The following ACVR1 variants were observed in gnomAD, a reference collection of about 807,000 sequenced individuals.
The protein encoded by ACVR1 is activin receptor type-1.
A neutral mutation model predicts 57.1 loss-of-function variants in ACVR1; 38 were observed. The observed-to-expected ratio is 0.67, with a 90% CI of 0.51 to 0.87. The LOEUF (loss-of-function observed/expected upper bound fraction) is 0.87. Ranked by LOEUF, ACVR1 falls within the 40% of genes least tolerant of loss-of-function variation. The pLI is 0.00. For synonymous variants in ACVR1, 212 were observed against 228.1 expected, an observed-to-expected ratio of 0.93 and a Z score of 0.63; for missense variants, 463 against 638.2, an observed-to-expected ratio of 0.73 and a Z score of 2.96.
At chr2:157,863,515 G>A (rs915048839) in intron 1 of ACVR1, among the ~76,000 whole-genome samples, 1 of 150,544 alleles carries the variant, frequency 6.6e-6, no homozygotes. Context: ...TGGCCAACAG[G>A]GCAAAACCCC....
At chr2:157,866,447 G>T (rs567753142) in intron 1 of ACVR1, among the ~76,000 whole-genome samples, 2 of 152,248 alleles carry the variant, frequency 1.3e-5, no homozygotes, top group East Asian at 1.9e-4. Context: ...AGGGAGGCGG[G>T]GGGGAAAGCT....
chr2:157,873,112 G>T (rs1558861643), intron 1 of ACVR1, among the ~76,000 whole-genome samples: 1 of 152,114 alleles, frequency 6.6e-6, no homozygotes, highest in African/African-American at 2.4e-5. Flanking sequence ...TTGCTTTAAA[G>T]AAAAATATTA....
At chr2:157,809,917 A>G (rs1389105821) in intron 2 of ACVR1, among the ~76,000 whole-genome samples, 1 of 152,106 alleles carries the variant, frequency 6.6e-6, no homozygotes, top group African/African-American at 2.4e-5. Context: ...TCTACAAAAA[A>G]TAAAGAAAAT....
chr2:157,821,433 G>A (rs1273113233), intron 1 of ACVR1, among the ~76,000 whole-genome samples: 2 of 152,188 alleles, frequency 1.3e-5, no homozygotes, highest in South Asian at 2.1e-4. Context: ...TCTGAGGCAC[G>A]AGACTCGCTT....
chr2:157,855,319 T>TACAC (rs775743957), intron 1 of ACVR1, among the ~76,000 whole-genome samples: 1,473 of 99,154 alleles, frequency 0.015, 59 homozygotes, highest in Non-Finnish European at 0.021. Context: ...TATATATATA[T>TACAC]ATATACACAC....
Position 157,774,170 on chromosome 2 carries a change from C to G in ACVR1, c.561G>C (p.Ser187=). 6.2e-7 allele frequency: 1 copy of G among 1,613,964 alleles called. No homozygotes were observed. The highest frequency in any genetic ancestry group is 8.5e-7 in the Non-Finnish European group (1 of 1,179,886). ...DSTLADLLDH[S]CTSGSGSGLP... Reference sequence around the variant, plus strand: ...GACCAGAGCCACTTCCTGATGTACACGAATGATCCAATAAATCCTGTGGTT... The same window carrying G: ...GACCAGAGCCACTTCCTGATGTACAGGAATGATCCAATAAATCCTGTGGTT... Residue 187 remains serine (S), a synonymous_variant, in exon 6 of 11, where the codon TCG becomes TCC. Coordinates refer to ENST00000434821, the MANE Select transcript of ACVR1 (RefSeq NM_001111067.4).
intron 1 of ACVR1, among the ~76,000 whole-genome samples, chr2:157,823,503 G>C (rs1688226983): frequency 6.6e-6 from 1 of 152,126 alleles, no homozygotes; most frequent in Admixed American, 6.5e-5. Flanking sequence ...AAATCTCCAA[G>C]ATGTTTTAAG....
intron 1 of ACVR1, among the ~76,000 whole-genome samples, chr2:157,821,849 T>G (rs1688172077): frequency 6.6e-6 from 1 of 152,210 alleles, no homozygotes. Context: ...CAATCCAGTT[T>G]AAAAGAACAT....
chr2:157,853,821 CTTCT>C (rs1438070539), intron 1 of ACVR1, among the ~76,000 whole-genome samples: 1 of 152,166 alleles, frequency 6.6e-6, no homozygotes, highest in Non-Finnish European at 1.5e-5. Context: ...CTTCTTATGC[CTTCT>C]ATCTTTACAA....
At chr2:157,742,492 C>T (rs1281375560) in intron 9 of ACVR1, among the ~76,000 whole-genome samples, 2 of 152,204 alleles carry the variant, frequency 1.3e-5, no homozygotes. Flanking sequence ...TCATAACCTA[C>T]TCCCCCACAA....
chr2:157,784,542 G>A (rs1463008149), intron 3 of ACVR1, among the ~76,000 whole-genome samples: 1 of 152,224 alleles, frequency 6.6e-6, no homozygotes, highest in Non-Finnish European at 1.5e-5. Context: ...TGTTCTAGAA[G>A]GCACCTCCCG....
At chr2:157,748,243 T>C (rs1685046496) in intron 9 of ACVR1, among the ~76,000 whole-genome samples, 1 of 152,054 alleles carries the variant, frequency 6.6e-6, no homozygotes, top group African/African-American at 2.4e-5. Context: ...GAATCCCAAG[T>C]CTCTGCTGAG....
At chr2:157,806,410 G>C (rs1687549557) in intron 2 of ACVR1, among the ~76,000 whole-genome samples, 2 of 152,052 alleles carry the variant, frequency 1.3e-5, no homozygotes. Context: ...CTACTCTTCA[G>C]TTCTCTTGTA....
At chr2:157,821,975 G>GA (rs370887072) in intron 1 of ACVR1, among the ~76,000 whole-genome samples, 21 of 149,504 alleles carry the variant, frequency 1.4e-4, no homozygotes, top group South Asian at 8.5e-4. Context: ...AGCAACAGGG[G>GA]AAAAAAAAAA....
At chr2:157,817,109 G>T (rs1687966766) in intron 2 of ACVR1, among the ~76,000 whole-genome samples, 1 of 152,026 alleles carries the variant, frequency 6.6e-6, no homozygotes, top group South Asian at 2.1e-4. Flanking sequence ...ACACGAACCT[G>T]CCAACACACC....
chr2:157,782,876 A>G (rs375076387), intron 3 of ACVR1, among the ~76,000 whole-genome samples: 42 of 152,348 alleles, frequency 2.8e-4, no homozygotes, highest in African/African-American at 9.4e-4. Context: ...CCCAGGATAT[A>G]TACCTAACCC....
chr2:157,808,443 C>G (rs948958016), intron 2 of ACVR1, among the ~76,000 whole-genome samples: 3 of 152,106 alleles, frequency 2.0e-5, no homozygotes, highest in Non-Finnish European at 4.4e-5. Context: ...TAGTAGCAAG[C>G]AGATATTTGA....
intron 3 of ACVR1, among the ~76,000 whole-genome samples, chr2:157,785,735 C>A (rs1050379785): frequency 4.5e-4 from 69 of 152,124 alleles, no homozygotes; most frequent in Non-Finnish European, 9.1e-4. Context: ...GTTATGGGGG[C>A]AAATAGAGGC....
At chr2:157,861,066 G>A (rs1414575033) in intron 1 of ACVR1, among the ~76,000 whole-genome samples, 2 of 152,152 alleles carry the variant, frequency 1.3e-5, no homozygotes, top group African/African-American at 4.8e-5. Context: ...TTCCCCACCT[G>A]ACAACATCCT....
Sources: allele counts gnomAD v4.1 joint callset (sites outside exome capture counted in the v4.1 genomes callset), GRCh38; gene constraint gnomAD v4.1.1; transcripts MANE v1.5; gene names NCBI Gene and HGNC (gene_info 2026-07-23, HGNC 2026-07-21).